The following ITFG1 variants were observed in gnomAD, a reference collection of about 807,000 sequenced individuals.
ITFG1 encodes the protein T-cell immunomodulatory protein.
ITFG1 carries 34 observed loss-of-function variants against 81.8 expected under a neutral mutation model. That is an observed-to-expected ratio of 0.42 (90% CI 0.32 to 0.55). The LOEUF (loss-of-function observed/expected upper bound fraction) is 0.55. ITFG1 is among the 20% of genes least tolerant of loss of function. The pLI, the probability that ITFG1 is intolerant of heterozygous loss-of-function variation, is 0.17. For missense variants in ITFG1, 672 were observed against 755.4 expected (o/e 0.89, Z 1.29); for synonymous variants, 285 against 270.6 (o/e 1.05, Z -0.52).
chr16:47,186,483 C>T (rs1965218708), intron 14 of ITFG1, among the ~76,000 whole-genome samples: 1 of 152,140 alleles, frequency 6.6e-6, no homozygotes, highest in Non-Finnish European at 1.5e-5. Context: ...TGTAATCCAG[C>T]ATAGAAACAG....
chr16:47,156,685 G>T (rs12051064), intron 17 of ITFG1, among the ~76,000 whole-genome samples: 1 of 152,138 alleles, frequency 6.6e-6, no homozygotes, highest in Middle Eastern at 3.4e-3. Flanking sequence ...TGAAAAGACA[G>T]GGAAAGCATT....
chr16:47,171,308 T>C (rs1964958864), intron 14 of ITFG1, among the ~76,000 whole-genome samples: 1 of 152,228 alleles, frequency 6.6e-6, no homozygotes, highest in African/African-American at 2.4e-5. Context: ...GTGCCTGGCC[T>C]AGATTGTCTA....
intron 8 of ITFG1, among the ~76,000 whole-genome samples, chr16:47,316,071 A>G (rs1240243762): frequency 6.6e-6 from 1 of 152,162 alleles, no homozygotes; most frequent in Non-Finnish European, 1.5e-5. Context: ...GATTACAGGC[A>G]TGAGCCACTG....
At chr16:47,368,565 A>T (rs1968209160) in intron 7 of ITFG1, among the ~76,000 whole-genome samples, 1 of 149,130 alleles carries the variant, frequency 6.7e-6, no homozygotes. Flanking sequence ...CAAAAAAAAA[A>T]AAAAAAAAAA....
rs145928481 is a variant in ITFG1, at chr16:47,201,310, G to A, written c.1453+17558C>T. Among the ~76,000 whole-genome samples, 1,096 of 151,294 alleles carry A rather than the reference G, an allele frequency of 7.2e-3. 15 individuals carry two copies. The highest frequency in any genetic ancestry group is 0.025 in the African/African-American group (1,030 of 41,224). The stretch of plus-strand genomic sequence containing the variant: ...TGCAAGCTCCACCTCCCGGGCTCAC[G>A]CATTTCTCCTGCCTCAGCCTCCCAA... On this transcript the variant is annotated intron_variant, in intron 14 of 17. Transcript: ENST00000320640.
intron 8 of ITFG1, among the ~76,000 whole-genome samples, chr16:47,343,206 A>C (rs950708079): frequency 2.0e-5 from 3 of 152,248 alleles, no homozygotes; most frequent in Admixed American, 1.3e-4. Flanking sequence ...TGGCCACCTG[A>C]CAAGGGTACC....
At chr16:47,390,842 G>A (rs1596952220) in intron 6 of ITFG1, among the ~76,000 whole-genome samples, 1 of 151,990 alleles carries the variant, frequency 6.6e-6, no homozygotes, top group East Asian at 1.9e-4. Context: ...AGGCTCATTT[G>A]CTCTCTTAAC....
At chr16:47,175,587 T>A (rs964477598) in intron 14 of ITFG1, among the ~76,000 whole-genome samples, 8 of 152,180 alleles carry the variant, frequency 5.3e-5, no homozygotes, top group African/African-American at 1.7e-4. Context: ...TACTGCTCTA[T>A]GAAAAGGACT....
chr16:47,289,340 T>C (rs1298370821), intron 10 of ITFG1, among the ~76,000 whole-genome samples: 1 of 152,214 alleles, frequency 6.6e-6, no homozygotes, highest in Non-Finnish European at 1.5e-5. Flanking sequence ...TGTCTTGTTT[T>C]GGTATCAGGG....
intron 12 of ITFG1, among the ~76,000 whole-genome samples, chr16:47,257,785 G>GC (rs1473935654): frequency 2.0e-5 from 3 of 152,254 alleles, no homozygotes; most frequent in Admixed American, 6.5e-5. Context: ...CAACCCAGTA[G>GC]CAACGAGCAC....
chr16:47,428,027 T>C (rs1969045592), intron 6 of ITFG1, among the ~76,000 whole-genome samples: 1 of 151,936 alleles, frequency 6.6e-6, no homozygotes, highest in Non-Finnish European at 1.5e-5. Context: ...CTAGATGCTC[T>C]CGAGGCTGAG....
chr16:47,269,935 C>T (rs1183512268), intron 10 of ITFG1, among the ~76,000 whole-genome samples: 1 of 152,108 alleles, frequency 6.6e-6, no homozygotes, highest in Non-Finnish European at 1.5e-5. Context: ...GACAATAGAT[C>T]ATGGGAACAG....
intron 7 of ITFG1, among the ~76,000 whole-genome samples, chr16:47,374,280 T>G (rs570816986): frequency 6.6e-6 from 1 of 152,180 alleles, no homozygotes; most frequent in Non-Finnish European, 1.5e-5. Context: ...CAGCCCTTTA[T>G]AAGAAGAAAA....
chr16:47,419,954 CT>C (rs75033874), intron 6 of ITFG1, among the ~76,000 whole-genome samples: 231 of 141,388 alleles, frequency 1.6e-3, no homozygotes, highest in Middle Eastern at 3.7e-3. Context: ...TTTATCTTCT[CT>C]TTTTTTTTTT....
At chr16:47,230,297 G>A (rs750544123) in intron 13 of ITFG1, among the ~76,000 whole-genome samples, 54 of 152,262 alleles carry the variant, frequency 3.5e-4, no homozygotes, top group Non-Finnish European at 5.7e-4. Context: ...GAAGGCAGCC[G>A]AGAAAAGGGA....
intron 14 of ITFG1, among the ~76,000 whole-genome samples, chr16:47,215,718 C>T (rs1257840013): frequency 6.6e-6 from 1 of 152,154 alleles, no homozygotes; most frequent in African/African-American, 2.4e-5. Flanking sequence ...TGTCTTCCTC[C>T]AACTATTATA....
intron 8 of ITFG1, among the ~76,000 whole-genome samples, chr16:47,314,061 T>C (rs1967312245): frequency 6.6e-6 from 1 of 152,072 alleles, no homozygotes. Context: ...AGCATTTCTA[T>C]AGGAGGGAGG....
chr16:47,375,356 G>A (rs911403971), intron 7 of ITFG1, among the ~76,000 whole-genome samples: 13 of 151,038 alleles, frequency 8.6e-5, no homozygotes, highest in African/African-American at 3.2e-4. Context: ...CTCACATCAA[G>A]CTAAAAGTAA....
chr16:47,159,492 A>C lies in ITFG1; in HGVS notation c.1662-502T>G, dbSNP rs139781275. On this transcript the variant is annotated intron_variant, in intron 16 of 17. Coordinates refer to ENST00000320640, the MANE Select transcript of ITFG1 (RefSeq NM_030790.5). ...TTGATGGCTTGTGCAAAACTTCTAT[A>C]ATTTTTATATCATGTTGGAGTGTTT... Among the ~76,000 whole-genome samples the C allele has an allele frequency of 1.6e-4, 24 of 152,252 alleles. 1 individual carries two copies. The East Asian group carries it at 4.4e-3, about 28-fold the overall frequency.
Sources: gnomAD v4.1 joint callset for allele counts (sites outside exome capture counted in the v4.1 genomes callset) on GRCh38, gnomAD v4.1.1 for gene constraint, MANE v1.5 for transcripts, NCBI Gene and HGNC (gene_info 2026-07-23, HGNC 2026-07-21) for gene names.